Variants in ADARB2 observed in about 807,000 individuals in gnomAD.
The protein encoded by ADARB2 is inactive double-stranded RNA-specific editase B2.
A neutral mutation model predicts 62.2 loss-of-function variants in ADARB2; 25 were observed. That is an observed-to-expected ratio of 0.40 (90% confidence interval 0.29 to 0.56). The LOEUF (loss-of-function observed/expected upper bound fraction) is 0.56. Ranked by LOEUF, ADARB2 falls within the 20% of genes least tolerant of loss-of-function variation. The pLI is 0.43. For missense variants in ADARB2, 1,071 were observed against 1,077.4 expected (o/e 0.99, Z 0.08); for synonymous variants, 572 against 500.8 (o/e 1.14, Z -1.90).
intron 7 of ADARB2, among the ~76,000 whole-genome samples, chr10:1,212,049 G>A (rs950832634): frequency 1.3e-5 from 2 of 152,164 alleles, no homozygotes; most frequent in African/African-American, 4.8e-5. Context: ...GGCCACGTGT[G>A]TCCTCCTGCC....
chr10:1,498,847 C>T (rs199894267), intron 1 of ADARB2, among the ~76,000 whole-genome samples: 1 of 151,578 alleles, frequency 6.6e-6, no homozygotes, highest in South Asian at 2.1e-4. Context: ...CATTATTCAC[C>T]TCTTACTCAC....
At chr10:1,662,710 A>G (rs1389849522) in intron 1 of ADARB2, among the ~76,000 whole-genome samples, 2 of 152,232 alleles carry the variant, frequency 1.3e-5, no homozygotes, top group Non-Finnish European at 2.9e-5. Flanking sequence ...GACAGAGGAC[A>G]GCAGGGAGGA....
intron 1 of ADARB2, among the ~76,000 whole-genome samples, chr10:1,400,646 C>T (rs1832653626): frequency 6.6e-6 from 1 of 152,214 alleles, no homozygotes; most frequent in South Asian, 2.1e-4. Context: ...CCAGCCCGTG[C>T]TCCTCCTCTG....
chr10:1,448,003 A>G (rs1240312497), intron 1 of ADARB2, among the ~76,000 whole-genome samples: 1 of 152,128 alleles, frequency 6.6e-6, no homozygotes, highest in Non-Finnish European at 1.5e-5. Flanking sequence ...GGTTGATTCC[A>G]TGTATTTGCT....
chr10:1,514,193 A>ATATATATATATATG (rs933457969), intron 1 of ADARB2, among the ~76,000 whole-genome samples: 2 of 133,814 alleles, frequency 1.5e-5, no homozygotes, highest in East Asian at 2.3e-4. Context: ...ATATATATAT[A>ATATATATATATATG]TATGTATATT....
chr10:1,659,481 C>T (rs576773980), intron 1 of ADARB2, among the ~76,000 whole-genome samples: 16 of 152,338 alleles, frequency 1.1e-4, no homozygotes, highest in African/African-American at 3.4e-4. Flanking sequence ...ACAGTGGGAG[C>T]GGGGTGATCC....
At chr10:1,248,587 T>G (rs954089083) in intron 4 of ADARB2, among the ~76,000 whole-genome samples, 1 of 152,114 alleles carries the variant, frequency 6.6e-6, no homozygotes, top group Non-Finnish European at 1.5e-5. Context: ...CAGGAGAAGA[T>G]CAGGAAGCCC....
At chr10:1,729,573 A>G (rs750746927) in intron 1 of ADARB2, among the ~76,000 whole-genome samples, 3 of 152,224 alleles carry the variant, frequency 2.0e-5, no homozygotes, top group Non-Finnish European at 2.9e-5. Context: ...TTTAGGAAAT[A>G]TTGCAATTAT....
chr10:1,232,364 CTG>C (rs546957301), intron 6 of ADARB2, among the ~76,000 whole-genome samples: 17 of 150,584 alleles, frequency 1.1e-4, no homozygotes, highest in African/African-American at 1.7e-4. Context: ...TGTGTGTGGT[CTG>C]TGTGTGGTGT....
At chr10:1,602,286 C>T (rs1442167948) in intron 1 of ADARB2, among the ~76,000 whole-genome samples, 1 of 152,192 alleles carries the variant, frequency 6.6e-6, no homozygotes, top group African/African-American at 2.4e-5. Context: ...TCCTTCTGTG[C>T]CTGCAGAGGC....
At chr10:1,440,031 G>A (rs1437727680) in intron 1 of ADARB2, among the ~76,000 whole-genome samples, 1 of 150,774 alleles carries the variant, frequency 6.6e-6, no homozygotes, top group South Asian at 2.1e-4. Flanking sequence ...TTCATGATGG[G>A]GCTCCTGAGT....
intron 1 of ADARB2, among the ~76,000 whole-genome samples, chr10:1,428,888 C>T (rs1441715750): frequency 6.6e-6 from 1 of 151,942 alleles, no homozygotes; most frequent in South Asian, 2.1e-4. Flanking sequence ...CACGGACACA[C>T]ACACACACAC....
chr10:1,602,935 C>G (rs1437020962), intron 1 of ADARB2, among the ~76,000 whole-genome samples: 1 of 150,614 alleles, frequency 6.6e-6, no homozygotes, highest in Non-Finnish European at 1.5e-5. Context: ...AGATGCACAT[C>G]ATGCGCACAC....
chr10:1,456,863 T>C (rs1831102285), intron 1 of ADARB2, among the ~76,000 whole-genome samples: 1 of 152,166 alleles, frequency 6.6e-6, no homozygotes, highest in Non-Finnish European at 1.5e-5. Flanking sequence ...GGCACGATCT[T>C]GGCTCACTGC....
chr10:1,625,765 C>G (rs560473388), intron 1 of ADARB2, among the ~76,000 whole-genome samples: 2 of 152,116 alleles, frequency 1.3e-5, no homozygotes, highest in African/African-American at 4.8e-5. Flanking sequence ...GTGTCCCCAG[C>G]GAGGCCTGCC....
chr10:1,636,996 A>G (rs1833924620), intron 1 of ADARB2, among the ~76,000 whole-genome samples: 1 of 151,816 alleles, frequency 6.6e-6, no homozygotes. Flanking sequence ...GGCACTTACA[A>G]TAACAGTCTT....
At chr10:1,303,254 G>C (rs1490325357) in intron 3 of ADARB2, among the ~76,000 whole-genome samples, 1 of 152,086 alleles carries the variant, frequency 6.6e-6, no homozygotes. Context: ...GAGCCGATGC[G>C]ATCAACTGGA....
intron 1 of ADARB2, among the ~76,000 whole-genome samples, chr10:1,446,730 G>A (rs1458000751): frequency 6.6e-6 from 1 of 152,172 alleles, no homozygotes; most frequent in East Asian, 1.9e-4. Flanking sequence ...GTGTTCTCGT[G>A]ACAGTTAAAA....
chr10:1,302,139 G>A (rs987888683), intron 3 of ADARB2, among the ~76,000 whole-genome samples: 1 of 152,236 alleles, frequency 6.6e-6, no homozygotes, highest in Non-Finnish European at 1.5e-5. Flanking sequence ...ACTAGGGAGT[G>A]CCAGACAGTG....
Sources: allele counts gnomAD v4.1 joint callset (sites outside exome capture counted in the v4.1 genomes callset), GRCh38; gene constraint gnomAD v4.1.1; transcripts MANE v1.5; gene names NCBI Gene and HGNC (gene_info 2026-07-23, HGNC 2026-07-21).